SYNE1: variants seen among roughly 807,000 people sequenced by gnomAD.
The protein encoded by SYNE1 is spectrin repeat containing nuclear envelope protein 1, also known as nesprin-1.
SYNE1 carries 616 observed loss-of-function variants against 1,111.0 expected under a neutral mutation model. That is an observed-to-expected ratio of 0.55 (90% CI 0.52 to 0.59). SYNE1 has a LOEUF of 0.59. SYNE1 is among the 20% of genes least tolerant of loss of function. The pLI is 0.00. For missense variants in SYNE1, 10,006 were observed against 10,417.0 expected (o/e 0.96, Z 1.72); for synonymous variants, 3,855 against 3,825.8 (o/e 1.01, Z -0.28).
intron 100 of SYNE1, 108 bp downstream of exon 100, chr6:152,267,948 T>C: frequency 1.0e-6 from 1 of 974,382 alleles, no homozygotes; most frequent in South Asian, 1.4e-5. Context: ...ATAAGATGAC[T>C]AAATTTTGCA....
rs760388733 is a variant in SYNE1, at chr6:152,447,622, C to T, written c.3505G>A (p.Glu1169Lys). ...NHGEVKRAVEEIRNGVTKRGE... is the reference protein window; with the variant it reads ...NHGEVKRAVEKIRNGVTKRGE... ...CTTTTGGTAACACCATTTCTGATCT[C>T]CTGAAATGAGAGAACACTTTTGATG... Residue 1169 changes from glutamate to lysine, a missense_variant and splice_region_variant, in exon 29 of 146, where the codon GAG becomes AAG. This residue lies in a region of SYNE1 where 1,971 missense variants were observed against 2,084.1 expected (regional missense o/e 0.95). Transcript: ENST00000367255. 13 of 1,613,998 alleles carry T rather than the reference C, an allele frequency of 8.1e-6. No individual in the cohort carries two copies. The highest frequency in any genetic ancestry group is 1.7e-5 in the Admixed American group (1 of 60,004).
At chr6:152,599,086 T>C (rs2099589829) in intron 3 of SYNE1, among the ~76,000 whole-genome samples, 2 of 152,252 alleles carry the variant, frequency 1.3e-5, no homozygotes, top group Non-Finnish European at 2.9e-5. Context: ...GGAAATTTAC[T>C]GTTTCTTTAA....
intron 3 of SYNE1, among the ~76,000 whole-genome samples, chr6:152,613,222 A>C (rs148235344): frequency 0.085 from 12,898 of 152,268 alleles, 586 homozygotes; most frequent in Middle Eastern, 0.13. Flanking sequence ...CTGTTTGCAG[A>C]TGACATGATT....
At chr6:152,336,764 T>A in intron 76 of SYNE1, 77 bp downstream of exon 76, 1 of 1,554,156 alleles carries the variant, frequency 6.4e-7, no homozygotes, top group Admixed American at 1.7e-5. Flanking sequence ...CATATTGAAG[T>A]GAATACACTG....
At position 152,336,985 on chromosome 6, in the gene SYNE1, T is replaced by A; in HGVS notation, c.12384A>T (p.Leu4128Phe). The A allele has an allele frequency of 6.2e-7, 1 of 1,614,016 alleles. No individual in the cohort carries two copies. Among genetic ancestry groups the A allele is most frequent in the East Asian group, 2.2e-5 (1 of 44,876 alleles). The part of the protein sequence containing the change: ...IEQKLVQAQN[L>F]TQGWEEIKHL... ...GCTTGATCTCTTCCCAGCCCTGAGT[T>A]AAGTTCTGGGCCTGGACAAGCTTTT... Residue 4128 changes from leucine (L) to phenylalanine (F), a missense_variant, in exon 76 of 146, where the codon TTA (leucine) becomes TTT (phenylalanine). This residue lies in a region of SYNE1 where 4,955 missense variants were observed against 5,017.2 expected (regional missense o/e 0.99). Transcript: ENST00000367255.
At chr6:152,286,297 T>C (rs2094324015) in intron 95 of SYNE1, among the ~76,000 whole-genome samples, 1 of 152,192 alleles carries the variant, frequency 6.6e-6, no homozygotes, top group African/African-American at 2.4e-5. Flanking sequence ...TTCTTGCTAC[T>C]GCTGTCCTCA....
rs781021514 is a variant in SYNE1, at chr6:152,430,126, G to A, written c.4774C>T (p.Leu1592Phe). The A allele has an allele frequency of 1.9e-6, 3 of 1,596,106 alleles. No individual in the cohort carries two copies. Among genetic ancestry groups the A allele is most frequent in the Non-Finnish European group, 1.7e-6 (2 of 1,167,222 alleles). Residue 1592 changes from leucine (L) to phenylalanine (F), a missense_variant, in exon 36 of 146, where the codon CTT (leucine) becomes TTT (phenylalanine). Physicochemically the swap from Leu to Phe is conservative, Grantham distance 22 (BLOSUM62 0). Transcript: ENST00000367255. ...CATACTCTTACCATATGTTCTTGAA[G>A]AACTTTGTATGTTTCTGTAGCTGAA... ...CSSATETYKV[L>F]QEHMDLCQAL...
rs970084368 is a variant in SYNE1 at position 152,353,338 on chromosome 6, T to C, written c.11178A>G (p.Lys3726=). The change falls in exon 69 of 146, where the codon AAA becomes AAG. Residue 3726 remains lysine (K), a synonymous_variant. Coordinates refer to ENST00000367255, the MANE Select transcript of SYNE1 (RefSeq NM_182961.4). ...SYSDWYGSTH[K]NFKNVATKID... ...TCTTGGTAGCCACATTCTTGAAGTT[T>C]TTATGAGTAGAGCCATACCAATCAG... 1.2e-6 allele frequency: 2 copies of C among 1,614,102 alleles called. No homozygotes were observed. Among genetic ancestry groups the C allele is most frequent in the Non-Finnish European group, 8.5e-7 (1 of 1,180,048 alleles).
In SYNE1 at chr6:152,278,145, T is replaced by C. The variant is rs1232761468; in HGVS notation, c.18517A>G (p.Lys6173Glu). The change falls in exon 98 of 146, where the codon AAG becomes GAG. Residue 6173 changes from lysine (K) to glutamate (E), a missense_variant. Coordinates refer to ENST00000367255, the MANE Select transcript of SYNE1 (RefSeq NM_182961.4). ...CTCTGCAGCTCCAGCAGGCTCCCCT[T>C]GAGCCTTCTCAGCTTTCCAGCCAGC... The part of the protein sequence containing the change: ...EQLAGKLRRL[K>E]GSLLELQRAL... 2.5e-6 allele frequency: 4 copies of C among 1,614,126 alleles called. No homozygotes were observed. Among genetic ancestry groups the C allele is most frequent in the Non-Finnish European group, 3.4e-6 (4 of 1,180,042 alleles).
chr6:152,411,303 A>G (rs911342513), intron 42 of SYNE1, among the ~76,000 whole-genome samples: 1 of 152,196 alleles, frequency 6.6e-6, no homozygotes, highest in African/African-American at 2.4e-5. Flanking sequence ...GAAACTAGCT[A>G]GTATAAGTCC....
rs754971865 is a variant in SYNE1 at position 152,339,366 on chromosome 6, C to T, written c.12226G>A (p.Val4076Ile). Residue 4076 changes from valine (V) to isoleucine (I), a missense_variant and splice_region_variant, in exon 75 of 146, where the codon GTC becomes ATC. Val to Ile is a conservative substitution (Grantham distance 29, BLOSUM62 3). Around this residue, in one of 7 missense-constraint regions of SYNE1, gnomAD observed 4,955 missense variants for 5,017.2 expected, o/e 0.99. Transcript: ENST00000367255. ...PLSRAEAIKQVKHFRALQEQA... is the reference protein window; with the variant it reads ...PLSRAEAIKQIKHFRALQEQA... ...TCTTGCAAAGCTCTGAAGTGTTTGA[C>T]CTGGAAAAGGCAGTTATCAGAGTGA... The T allele has an allele frequency of 1.9e-6, 3 of 1,613,556 alleles. No individual in the cohort carries two copies. The Admixed American group carries it at 5.0e-5, about 27-fold the overall frequency.
intron 3 of SYNE1, among the ~76,000 whole-genome samples, chr6:152,611,610 T>A (rs1467784206): frequency 6.6e-6 from 1 of 152,116 alleles, no homozygotes; most frequent in Non-Finnish European, 1.5e-5. Flanking sequence ...TTAACAAGGA[T>A]ATCCAGGAAT....
At chr6:152,220,681 C>T (rs1462796455) in intron 119 of SYNE1, among the ~76,000 whole-genome samples, 161 bp downstream of exon 119, 1 of 152,162 alleles carries the variant, frequency 6.6e-6, no homozygotes, top group African/African-American at 2.4e-5. Context: ...TGCATGTGCA[C>T]CTGTGTTCTG....
chr6:152,143,549 C>G (rs893116372), intron 138 of SYNE1, 74 bp downstream of exon 138: 2 of 1,607,248 alleles, frequency 1.2e-6, no homozygotes, highest in African/African-American at 2.7e-5. Context: ...AGCCCTGATG[C>G]TGCAGACGAA....
At chr6:152,462,612 C>T in intron 20 of SYNE1, 126 bp downstream of exon 20, 1 of 1,067,656 alleles carries the variant, frequency 9.4e-7, no homozygotes, top group Non-Finnish European at 1.4e-6. Context: ...CAAATTGGGA[C>T]ATACAGACAT....
Position 152,331,361 on chromosome 6 carries a change from C to T in SYNE1, c.13324G>A (p.Gly4442Ser). The T allele has an allele frequency of 6.2e-7, 1 of 1,614,144 alleles. No homozygotes were observed. The highest frequency in any genetic ancestry group is 1.7e-5 in the Admixed American group (1 of 60,012). ...SHVNCLSDLV[G>S]QRRKYLNKAL... ...TTGTTTAAGTACTTTCTTCGCTGGC[C>T]CACTAAGTCACTGAGACAATTCACG... The change falls in exon 78 of 146, where the codon GGC (glycine) becomes AGC (serine). Residue 4442 changes from glycine to serine, a missense_variant. Around this residue, in one of 7 missense-constraint regions of SYNE1, gnomAD observed 4,955 missense variants for 5,017.2 expected, o/e 0.99. Coordinates refer to ENST00000367255, the MANE Select transcript of SYNE1 (RefSeq NM_182961.4).
At chr6:152,440,781 T>C (rs1211086337) in intron 32 of SYNE1, among the ~76,000 whole-genome samples, 2 of 151,998 alleles carry the variant, frequency 1.3e-5, no homozygotes, top group Non-Finnish European at 2.9e-5. Context: ...TTGGTCAGGA[T>C]GGTTTCAATC....
chr6:152,273,001 C>G (rs937401482), intron 98 of SYNE1, among the ~76,000 whole-genome samples: 2 of 152,196 alleles, frequency 1.3e-5, no homozygotes, highest in Middle Eastern at 3.4e-3. Context: ...CCAGGAAGCT[C>G]TAATTATTTT....
In SYNE1 at chr6:152,565,624, C is replaced by A. The variant is rs77481948; in HGVS notation, c.68-25603G>T. Reference sequence around the variant, plus strand: ...GGTCAAAGGTTGCTAAACTTTACTTCGCTTTAAAATCTTCCCTTATTCAGA... The same window carrying A: ...GGTCAAAGGTTGCTAAACTTTACTTAGCTTTAAAATCTTCCCTTATTCAGA... On this transcript the variant is annotated intron_variant, in intron 3 of 145. Coordinates refer to ENST00000367255, the MANE Select transcript of SYNE1 (RefSeq NM_182961.4). Among the ~76,000 whole-genome samples the A allele has an allele frequency of 9.9e-4, 150 of 151,116 alleles. 3 individuals are homozygous for A. In the East Asian group the frequency reaches 0.028, roughly 28 times the overall value.
Sources: allele counts gnomAD v4.1 joint callset (sites outside exome capture counted in the v4.1 genomes callset), GRCh38; gene constraint gnomAD v4.1.1; regional missense constraint gnomAD v4.1.1; transcripts MANE v1.5; gene names NCBI Gene and HGNC (gene_info 2026-07-23, HGNC 2026-07-21).